Variants in NAALADL2 observed in about 807,000 individuals in gnomAD.
NAALADL2 encodes the protein inactive N-acetylated-alpha-linked acidic dipeptidase-like protein 2.
NAALADL2 carries 76 observed loss-of-function variants against 87.2 expected under a neutral mutation model. The observed-to-expected ratio is 0.87, with a 90% CI of 0.72 to 1.05. The LOEUF (loss-of-function observed/expected upper bound fraction) is 1.05. NAALADL2 is among the 50% of genes least tolerant of loss of function. The probability of loss-of-function intolerance (pLI) is 0.00; values close to 1 mark genes in which losing one functional copy is unlikely to be tolerated. For synonymous variants in NAALADL2, 354 were observed against 331.0 expected, an observed-to-expected ratio of 1.07 and a Z score of -0.75; for missense variants, 1,089 against 945.8, an observed-to-expected ratio of 1.15 and a Z score of -1.99.
chr3:175,783,527 G>A (rs1483918541), intron 13 of NAALADL2, among the ~76,000 whole-genome samples: 4 of 151,644 alleles, frequency 2.6e-5, no homozygotes, highest in African/African-American at 9.7e-5. Flanking sequence ...GTATAAGAAT[G>A]CTTGTGATTT....
intron 1 of NAALADL2, among the ~76,000 whole-genome samples, chr3:175,041,943 G>A (rs1362299748): frequency 6.6e-6 from 1 of 152,076 alleles, no homozygotes; most frequent in Non-Finnish European, 1.5e-5. Flanking sequence ...GATGGGAACA[G>A]TTAATACCTG....
intron 2 of NAALADL2, among the ~76,000 whole-genome samples, chr3:174,700,531 C>T (rs1402732372): frequency 1.3e-5 from 2 of 152,030 alleles, no homozygotes; most frequent in East Asian, 3.9e-4. Flanking sequence ...GCTTGCTTAC[C>T]ACACAAAATA....
chr3:175,667,233 A>AAG lies in NAALADL2; in HGVS notation c.1896+39849_1896+39850dup, dbSNP rs1367914200. ...AAAGAAAGAAAGAAAGAAAGAAAGA[A>AAG]AGAAAGAAAAAGAAAGAAAGAAAGA... On this transcript the variant is annotated intron_variant, in intron 11 of 13. Transcript: ENST00000454872. 2.7e-3 allele frequency among the ~76,000 whole-genome samples: 295 copies of AAG among 110,238 alleles called. 1 individual carries two copies. The highest frequency in any genetic ancestry group is 3.8e-3 in the Non-Finnish European group (216 of 57,542). 72.3% of individuals were successfully genotyped at this position (110,238 alleles called of 152,430 possible). A position where few individuals can be genotyped will look rare whatever the true frequency, so the allele number is the denominator to read the frequency against.
intron 2 of NAALADL2, among the ~76,000 whole-genome samples, chr3:175,231,226 G>A (rs905643066): frequency 1.3e-5 from 2 of 151,932 alleles, no homozygotes; most frequent in African/African-American, 2.4e-5. Context: ...ATGCTACCCT[G>A]GGGATCAAGG....
chr3:175,170,673 C>A (rs949962712), intron 2 of NAALADL2, among the ~76,000 whole-genome samples: 8 of 151,036 alleles, frequency 5.3e-5, no homozygotes, highest in Non-Finnish European at 1.2e-4. Flanking sequence ...GAAGAATAAT[C>A]ATTGGGACAT....
chr3:175,367,028 A>C (rs1284633761), intron 5 of NAALADL2, among the ~76,000 whole-genome samples: 4 of 151,288 alleles, frequency 2.6e-5, no homozygotes. Context: ...TCTTGAATTA[A>C]TTTTTGTATA....
chr3:174,883,639 A>G (rs1028392035), intron 1 of NAALADL2, among the ~76,000 whole-genome samples: 1 of 152,192 alleles, frequency 6.6e-6, no homozygotes, highest in Non-Finnish European at 1.5e-5. Context: ...GTGAATACTC[A>G]TGACAATTAC....
chr3:174,717,235 ACT>A (rs1253000427), intron 2 of NAALADL2, among the ~76,000 whole-genome samples: 2 of 151,946 alleles, frequency 1.3e-5, no homozygotes, highest in Admixed American at 1.3e-4. Flanking sequence ...CTTCCTGGTG[ACT>A]CTCTATTTTT....
At chr3:175,781,544 T>C (rs1031745699) in intron 13 of NAALADL2, among the ~76,000 whole-genome samples, 1 of 150,208 alleles carries the variant, frequency 6.7e-6, no homozygotes, top group Non-Finnish European at 1.5e-5. Flanking sequence ...GTACTTACTA[T>C]ATGATACATT....
At chr3:175,327,581 T>C (rs564184094) in intron 5 of NAALADL2, among the ~76,000 whole-genome samples, 3 of 152,256 alleles carry the variant, frequency 2.0e-5, no homozygotes, top group East Asian at 3.9e-4. Flanking sequence ...AATTCAGTGA[T>C]GGGTAACTCA....
chr3:175,152,190 A>T lies in NAALADL2; in HGVS notation c.545+54899A>T, dbSNP rs114777359. ...AGAAGAAAATTTGGCACAATAATGT[A>T]ATAAAGAGATCATAATATAATAAAG... On this transcript the variant is annotated intron_variant, in intron 2 of 13. Transcript: ENST00000454872. Among the ~76,000 whole-genome samples, 533 of 152,298 alleles carry T rather than the reference A, an allele frequency of 3.5e-3. 2 individuals carry two copies. The highest frequency in any genetic ancestry group is 0.012 in the African/African-American group (514 of 41,564).
intron 1 of NAALADL2, among the ~76,000 whole-genome samples, chr3:175,004,044 C>G (rs1748650447): frequency 6.6e-6 from 1 of 152,110 alleles, no homozygotes; most frequent in African/African-American, 2.4e-5. Flanking sequence ...TTCTTCTCAC[C>G]TAAGAAACAC....
At chr3:174,947,528 T>G (rs993459139) in intron 1 of NAALADL2, among the ~76,000 whole-genome samples, 1 of 152,182 alleles carries the variant, frequency 6.6e-6, no homozygotes, top group African/African-American at 2.4e-5. Flanking sequence ...GAAAGTACTA[T>G]TCTTTTCAAG....
intron 4 of NAALADL2, among the ~76,000 whole-genome samples, chr3:175,263,462 A>G (rs1360633607): frequency 6.6e-6 from 1 of 151,912 alleles, no homozygotes; most frequent in Admixed American, 6.6e-5. Context: ...TTGAATGCAT[A>G]ATTTAGAAGT....
intron 2 of NAALADL2, among the ~76,000 whole-genome samples, chr3:175,161,369 G>A (rs1031143823): frequency 6.6e-6 from 1 of 152,064 alleles, no homozygotes. Flanking sequence ...TAAAAACTAG[G>A]ATAAGGGTTA....
At chr3:175,242,830 T>C (rs1747181882) in intron 3 of NAALADL2, among the ~76,000 whole-genome samples, 1 of 152,090 alleles carries the variant, frequency 6.6e-6, no homozygotes, top group African/African-American at 2.4e-5. Flanking sequence ...AAACTGGCAT[T>C]TAAAATTGCT....
intron 2 of NAALADL2, among the ~76,000 whole-genome samples, chr3:174,634,721 C>T (rs991978497): frequency 6.6e-6 from 1 of 152,108 alleles, no homozygotes; most frequent in African/African-American, 2.4e-5. Flanking sequence ...TATGCTTCTT[C>T]ACTTTTTAAT....
intron 13 of NAALADL2, among the ~76,000 whole-genome samples, chr3:175,784,572 T>C (rs1371437508): frequency 7.0e-5 from 10 of 143,070 alleles, no homozygotes; most frequent in African/African-American, 2.3e-4. Context: ...TTTTTTATTG[T>C]GTCTATTTGA....
chr3:175,610,136 T>C (rs2149670828), intron 10 of NAALADL2, among the ~76,000 whole-genome samples: 1 of 152,286 alleles, frequency 6.6e-6, no homozygotes, highest in East Asian at 1.9e-4. Flanking sequence ...CATTTACACA[T>C]TAAGGACTTA....
Sources: allele counts gnomAD v4.1 joint callset (sites outside exome capture counted in the v4.1 genomes callset), GRCh38; gene constraint gnomAD v4.1.1; transcripts MANE v1.5; gene names NCBI Gene and HGNC (gene_info 2026-07-23, HGNC 2026-07-21).